RNF220: variants seen among roughly 807,000 people sequenced by gnomAD.
RNF220 encodes the protein E3 ubiquitin-protein ligase RNF220.
RNF220 carries 7 observed loss-of-function variants against 67.1 expected under a neutral mutation model. That is an observed-to-expected ratio of 0.10 (90% CI 0.06 to 0.20). The LOEUF (loss-of-function observed/expected upper bound fraction) is 0.20, where lower values mean the gene tolerates loss of function less well. RNF220 is among the 10% of genes least tolerant of loss of function. RNF220 has a pLI of 1.00. For synonymous variants in RNF220, 270 were observed against 283.2 expected (o/e 0.95, Z 0.47); for missense variants, 565 against 740.3 (o/e 0.76, Z 2.75).
intron 2 of RNF220, among the ~76,000 whole-genome samples, chr1:44,441,684 A>G (rs530752370): frequency 1.3e-5 from 2 of 152,362 alleles, no homozygotes; most frequent in Admixed American, 6.5e-5. Flanking sequence ...AACTTAGTGT[A>G]TGAAGAAGGT....
At chr1:44,517,245 A>C (rs1391031951) in intron 2 of RNF220, among the ~76,000 whole-genome samples, 1 of 152,080 alleles carries the variant, frequency 6.6e-6, no homozygotes, top group Non-Finnish European at 1.5e-5. Flanking sequence ...TTTAAGAGAT[A>C]TGACCCCTAG....
In RNF220 at chr1:44,621,203, A is replaced by T. The variant is rs771838653; in HGVS notation, c.759-1539A>T. Among the ~76,000 whole-genome samples, 1 of 152,208 alleles carries T rather than the reference A, an allele frequency of 6.6e-6. No homozygotes were observed. The highest frequency in any genetic ancestry group is 1.5e-5 in the Non-Finnish European group (1 of 68,038). On this transcript the variant is annotated intron_variant, in intron 3 of 14. Transcript: ENST00000361799. The surrounding 1 kb of genome is among the most constrained non-coding windows in gnomAD (Gnocchi z 4.8). ...AGTGCTGGGATTATAGGCGTGAGCC[A>T]CTGCACCGGACCATGCATCTGTCTT...
intron 2 of RNF220, among the ~76,000 whole-genome samples, chr1:44,439,914 AG>A (rs1651383515): frequency 6.6e-6 from 1 of 152,240 alleles, no homozygotes; most frequent in South Asian, 2.1e-4. Context: ...AGATAAGAGA[AG>A]TGTAGATGCT....
intron 2 of RNF220, among the ~76,000 whole-genome samples, chr1:44,536,625 A>G (rs1403890302): frequency 1.3e-5 from 2 of 152,132 alleles, no homozygotes; most frequent in Non-Finnish European, 1.5e-5. Context: ...CTTCACTCTC[A>G]TGAAATGGCG....
intron 6 of RNF220, 96 bp downstream of exon 6, chr1:44,632,481 C>G: frequency 8.3e-7 from 1 of 1,205,612 alleles, no homozygotes; most frequent in Non-Finnish European, 1.2e-6. Context: ...GTCTCTTCGA[C>G]TCTGGGGCCC....
Position 44,631,985 on chromosome 1 carries a change from C to CGCCGCCGCTTGGAGCTGAAGT in RNF220, c.907-349_907-329dup, listed in dbSNP as rs1553126993. The CGCCGCCGCTTGGAGCTGAAGT allele has an allele frequency of 3.0e-6, 3 of 1,004,168 alleles. No homozygotes were observed. In the African/African-American group the frequency reaches 5.2e-5, roughly 17 times the overall value. 62.2% of individuals were successfully genotyped at this position (1,004,168 alleles called of 1,614,324 possible). ...ACGTGATTAGGGCCAACATGGCCGC[C>CGCCGCCGCTTGGAGCTGAAGT]GCCGCCGCTTGGAGCTGAAGTGCCG... On this transcript the variant is annotated intron_variant, in intron 5 of 14. Transcript: ENST00000361799.
intron 2 of RNF220, among the ~76,000 whole-genome samples, chr1:44,559,518 G>A (rs1663390984): frequency 6.6e-6 from 1 of 152,256 alleles, no homozygotes; most frequent in African/African-American, 2.4e-5. Flanking sequence ...AGATGAGAAG[G>A]AGGAAGGGAG....
At chr1:44,511,735 A>T (rs747696680) in intron 2 of RNF220, among the ~76,000 whole-genome samples, 18 of 152,226 alleles carry the variant, frequency 1.2e-4, no homozygotes, top group East Asian at 1.9e-4. Context: ...CTGGAAAATC[A>T]TAGAAAGTAA....
chr1:44,511,916 C>CGTGTGTGTGTGT (rs71728249), intron 2 of RNF220, among the ~76,000 whole-genome samples: 24,044 of 147,640 alleles, frequency 0.16, 2,192 homozygotes, highest in Non-Finnish European at 0.17. Context: ...CGTGTGTGTG[C>CGTGTGTGTGTGT]GTGTGTGTGT....
intron 2 of RNF220, among the ~76,000 whole-genome samples, chr1:44,582,255 G>T (rs908616324): frequency 3.9e-5 from 6 of 152,174 alleles, no homozygotes; most frequent in Admixed American, 3.3e-4. Flanking sequence ...TGAGAAACTG[G>T]CAGCCCACAA....
intron 2 of RNF220, among the ~76,000 whole-genome samples, chr1:44,460,835 T>C (rs2147958825): frequency 6.6e-6 from 1 of 152,312 alleles, no homozygotes; most frequent in African/African-American, 2.4e-5. Flanking sequence ...GGGACACGTG[T>C]GGAACACGGT....
At chr1:44,612,318 CTATAAA>C (rs1643345395) in intron 2 of RNF220, among the ~76,000 whole-genome samples, 1 of 152,196 alleles carries the variant, frequency 6.6e-6, no homozygotes, top group East Asian at 1.9e-4. Context: ...TATAAATTGT[CTATAAA>C]TATAAAGATA....
rs564717584 is a variant in RNF220 at position 44,615,936 on chromosome 1, C to G, written c.758+1639C>G. ...TACTGGCTGGGAGTCTCTCATGAAG[C>G]TGCAGTCAAGATGTCAACCAAGGCA... On this transcript the variant is annotated intron_variant, in intron 3 of 14. Coordinates refer to ENST00000361799, the MANE Select transcript of RNF220 (RefSeq NM_018150.4). 1.4e-3 allele frequency among the ~76,000 whole-genome samples: 207 copies of G among 152,314 alleles called. 1 individual carries two copies. Among genetic ancestry groups the G allele is most frequent in the African/African-American group, 4.7e-3 (195 of 41,560 alleles).
chr1:44,636,123 C>T lies in RNF220; in HGVS notation c.1087C>T (p.Arg363Trp), dbSNP rs1484358702. 4 of 1,612,362 alleles carry T rather than the reference C, an allele frequency of 2.5e-6. No individual in the cohort carries two copies. Among genetic ancestry groups the T allele is most frequent in the South Asian group, 1.1e-5 (1 of 91,000 alleles). Residue 363 changes from arginine (R) to tryptophan (W), a missense_variant, in exon 8 of 15, where the codon CGG (arginine) becomes TGG (tryptophan). Physicochemically the swap from Arg to Trp is moderately radical, Grantham distance 101. Coordinates refer to ENST00000361799, the MANE Select transcript of RNF220 (RefSeq NM_018150.4). ...GGAGTATGAGTGGTGTGGACAGAAG[C>T]GGATACGGGCCACCACTCTCCTGGA... ...FEEYEWCGQK[R>W]IRATTLLEGG...
At chr1:44,513,808 G>A (rs1040410001) in intron 2 of RNF220, among the ~76,000 whole-genome samples, 2 of 152,118 alleles carry the variant, frequency 1.3e-5, no homozygotes, top group Non-Finnish European at 2.9e-5. Context: ...GTCTGTGTGC[G>A]TGTGTGCACA....
At chr1:44,490,749 A>C (rs1362592812) in intron 2 of RNF220, among the ~76,000 whole-genome samples, 1 of 152,108 alleles carries the variant, frequency 6.6e-6, no homozygotes, top group African/African-American at 2.4e-5. Flanking sequence ...GATCATAAAT[A>C]AATGAAATAT....
intron 2 of RNF220, among the ~76,000 whole-genome samples, chr1:44,507,106 T>A (rs1658501325): frequency 6.6e-6 from 1 of 152,098 alleles, no homozygotes; most frequent in South Asian, 2.1e-4. Flanking sequence ...AGTGTTGCTG[T>A]CCTCCATGGG....
At chr1:44,447,963 C>G (rs977252920) in intron 2 of RNF220, among the ~76,000 whole-genome samples, 1 of 152,132 alleles carries the variant, frequency 6.6e-6, no homozygotes, top group African/African-American at 2.4e-5. Flanking sequence ...ATGGTGGATG[C>G]AAACATCTGA....
intron 2 of RNF220, among the ~76,000 whole-genome samples, chr1:44,469,787 A>G (rs1275845414): frequency 6.6e-6 from 1 of 152,220 alleles, no homozygotes; most frequent in Non-Finnish European, 1.5e-5. Flanking sequence ...TAGGCAACAG[A>G]GAGGAAAAAC....
Sources: allele counts gnomAD v4.1 joint callset (sites outside exome capture counted in the v4.1 genomes callset), GRCh38; gene constraint gnomAD v4.1.1; non-coding constraint Gnocchi (gnomAD v3.1); transcripts MANE v1.5; gene names NCBI Gene and HGNC (gene_info 2026-07-23, HGNC 2026-07-21).